The following ADCY2 variants were observed in gnomAD, a reference collection of about 807,000 sequenced individuals.
ADCY2 encodes adenylate cyclase 2.
ADCY2 carries 31 observed loss-of-function variants against 125.2 expected under a neutral mutation model. The observed-to-expected ratio is 0.25, with a 90% CI of 0.19 to 0.33. The LOEUF is 0.33. ADCY2 is among the 10% of genes least tolerant of loss of function. The pLI, the probability that ADCY2 is intolerant of heterozygous loss-of-function variation, is 1.00. For missense variants in ADCY2, 904 were observed against 1,418.2 expected (o/e 0.64, Z 5.82); for synonymous variants, 512 against 548.4 (o/e 0.93, Z 0.93).
intron 2 of ADCY2, among the ~76,000 whole-genome samples, chr5:7,500,409 A>G (rs1382680409): frequency 6.6e-6 from 1 of 152,180 alleles, no homozygotes; most frequent in Non-Finnish European, 1.5e-5. Flanking sequence ...TGAGGGGAAA[A>G]AGGATAATTT....
intron 3 of ADCY2, among the ~76,000 whole-genome samples, chr5:7,582,415 C>A (rs1422291429): frequency 6.6e-6 from 1 of 152,042 alleles, no homozygotes; most frequent in Non-Finnish European, 1.5e-5. Context: ...CTTGTCGACT[C>A]ATTTTATGAG....
chr5:7,498,867 C>T (rs1743441673), intron 2 of ADCY2, among the ~76,000 whole-genome samples: 1 of 152,140 alleles, frequency 6.6e-6, no homozygotes, highest in African/African-American at 2.4e-5. Context: ...ATAATGATTA[C>T]ATTCAGAGAC....
chr5:7,547,038 C>T (rs1735168857), intron 3 of ADCY2, among the ~76,000 whole-genome samples: 1 of 152,156 alleles, frequency 6.6e-6, no homozygotes, highest in African/African-American at 2.4e-5. Flanking sequence ...GTGGGATCTA[C>T]TCTCAGAATA....
intron 21 of ADCY2, 131 bp from the exon 22 acceptor site, chr5:7,804,454 A>G (rs1744698020): frequency 2.7e-6 from 2 of 735,390 alleles, no homozygotes; most frequent in South Asian, 1.5e-5. Context: ...CCAGGGCCCA[A>G]GGGTGCATAC....
intron 22 of ADCY2, among the ~76,000 whole-genome samples, chr5:7,811,161 G>C (rs1385834275): frequency 2.0e-5 from 3 of 152,268 alleles, no homozygotes; most frequent in Non-Finnish European, 4.4e-5. Flanking sequence ...AAGAGGAAAG[G>C]GGGGCTGTTC....
Position 7,709,145 on chromosome 5 carries a change from G to T in ADCY2, c.1402-66G>T, listed in dbSNP as rs976612503. 8.3e-6 allele frequency: 12 copies of T among 1,447,970 alleles called. No individual in the cohort carries two copies. Among genetic ancestry groups the T allele is most frequent in the Non-Finnish European group, 1.1e-5 (12 of 1,091,518 alleles). 89.7% of individuals were successfully genotyped at this position (1,447,970 alleles called of 1,614,324 possible). A position where few individuals can be genotyped will look rare whatever the true frequency, so the allele number is the denominator to read the frequency against. Reference sequence around the variant, plus strand: ...GGAATGACCCTAGTCCAATGAGGTCGATGCCAAAAGGATCATGTGTGGCCC... The same window carrying T: ...GGAATGACCCTAGTCCAATGAGGTCTATGCCAAAAGGATCATGTGTGGCCC... On this transcript the variant is annotated intron_variant, in intron 9 of 24. Transcript: ENST00000338316. This position sits in a 1 kb window ranked among gnomAD's most constrained non-coding sequence, Gnocchi z 4.4.
At chr5:7,712,354 T>C (rs903425302) in intron 10 of ADCY2, among the ~76,000 whole-genome samples, 2 of 152,240 alleles carry the variant, frequency 1.3e-5, no homozygotes, top group Non-Finnish European at 2.9e-5. Flanking sequence ...GATTTCTTCA[T>C]TTTGTCCAAT....
chr5:7,508,571 A>C lies in ADCY2; in HGVS notation c.409-12167A>C, dbSNP rs113699888. On this transcript the variant is annotated intron_variant, in intron 2 of 24. Coordinates refer to ENST00000338316, the MANE Select transcript of ADCY2 (RefSeq NM_020546.3). The stretch of plus-strand genomic sequence containing the variant: ...TCCAAGAGGGCTGGCAAAAATATGG[A>C]CTGAGGCTTCTAAAAGCCCCAGTTC... Among the ~76,000 whole-genome samples, 292 of 152,202 alleles carry C rather than the reference A, an allele frequency of 1.9e-3. 1 individual carries two copies. The highest frequency in any genetic ancestry group is 6.7e-3 in the African/African-American group (278 of 41,524).
Position 7,737,335 on chromosome 5 carries a change from C to T in ADCY2, c.1872-6333C>T, listed in dbSNP as rs996050441. ...AGGATAGAGGTGTTGTTAGCAGAAA[C>T]CCAGGCTCCTGGGCTTTCTTGCAGA... On this transcript the variant is annotated intron_variant, in intron 14 of 24. Coordinates refer to ENST00000338316, the MANE Select transcript of ADCY2 (RefSeq NM_020546.3). 3.3e-4 allele frequency among the ~76,000 whole-genome samples: 51 copies of T among 152,278 alleles called. 1 individual carries two copies. Among genetic ancestry groups the T allele is most frequent in the Non-Finnish European group, 3.4e-4 (23 of 68,030 alleles).
At chr5:7,583,443 G>A (rs772332830) in intron 3 of ADCY2, among the ~76,000 whole-genome samples, 2 of 151,962 alleles carry the variant, frequency 1.3e-5, no homozygotes, top group Admixed American at 1.3e-4. Flanking sequence ...TTGCTATTCA[G>A]GATACAGTGG....
At chr5:7,647,483 CA>C (rs1219295817) in intron 4 of ADCY2, among the ~76,000 whole-genome samples, 1 of 152,114 alleles carries the variant, frequency 6.6e-6, no homozygotes, top group Non-Finnish European at 1.5e-5. Context: ...GTTCGACCCC[CA>C]TCTCCACCTG....
At chr5:7,630,530 A>G (rs1171632845) in intron 4 of ADCY2, among the ~76,000 whole-genome samples, 1 of 152,180 alleles carries the variant, frequency 6.6e-6, no homozygotes, top group East Asian at 1.9e-4. Flanking sequence ...CACAAATTTG[A>G]TGGCTTAAAA....
chr5:7,716,362 T>A (rs1449491071), intron 11 of ADCY2, among the ~76,000 whole-genome samples: 1 of 152,188 alleles, frequency 6.6e-6, no homozygotes, highest in Non-Finnish European at 1.5e-5. Context: ...CCAAGCCACA[T>A]TTTTACAGGG....
rs182377715 is a variant in ADCY2 at position 7,585,039 on chromosome 5, A to G, written c.571-41128A>G. Among the ~76,000 whole-genome samples the G allele has an allele frequency of 1.9e-4, 29 of 152,308 alleles. No homozygotes were observed. The East Asian group carries it at 5.4e-3, about 28-fold the overall frequency. On this transcript the variant is annotated intron_variant, in intron 3 of 24. Coordinates refer to ENST00000338316, the MANE Select transcript of ADCY2 (RefSeq NM_020546.3). The stretch of plus-strand genomic sequence containing the variant: ...AATAATATTTGATTTATGAAAAAGT[A>G]TATTACAGGGGGCTATGGGCACAGA...
At chr5:7,724,760 T>C (rs1741882654) in intron 13 of ADCY2, 146 bp downstream of exon 13, 1 of 646,150 alleles carries the variant, frequency 1.5e-6, no homozygotes, top group South Asian at 1.8e-5. Flanking sequence ...GGTGGTTCTT[T>C]CATGCATATA....
chr5:7,480,776 AAT>A (rs1742700548), intron 2 of ADCY2, among the ~76,000 whole-genome samples: 1 of 152,198 alleles, frequency 6.6e-6, no homozygotes, highest in Non-Finnish European at 1.5e-5. Context: ...TAAAAATAGT[AAT>A]GAGTTCCTTC....
intron 2 of ADCY2, among the ~76,000 whole-genome samples, chr5:7,445,871 A>T (rs143448264): frequency 6.6e-6 from 1 of 152,278 alleles, no homozygotes; most frequent in East Asian, 1.9e-4. Context: ...TATTGTTTTC[A>T]ACAGTCTTTT....
intron 16 of ADCY2, among the ~76,000 whole-genome samples, chr5:7,762,483 C>A (rs1439376852): frequency 6.6e-6 from 1 of 152,214 alleles, no homozygotes; most frequent in Admixed American, 6.5e-5. Flanking sequence ...ACTCAGACTG[C>A]CCAGGCAGAC....
chr5:7,708,003 A>T (rs1188854996), intron 9 of ADCY2, 165 bp downstream of exon 9: 5 of 724,876 alleles, frequency 6.9e-6, no homozygotes, highest in East Asian at 2.8e-5. Flanking sequence ...TTTTGTAATT[A>T]TGAATTCAAA....
Sources: allele counts gnomAD v4.1 joint callset (sites outside exome capture counted in the v4.1 genomes callset), GRCh38; gene constraint gnomAD v4.1.1; non-coding constraint Gnocchi (gnomAD v3.1); transcripts MANE v1.5; gene names NCBI Gene and HGNC (gene_info 2026-07-23, HGNC 2026-07-21).